The following KCNB2 variants were observed in gnomAD, a reference collection of about 807,000 sequenced individuals.
KCNB2 encodes delayed rectifier potassium channel protein.
A neutral mutation model predicts 61.5 loss-of-function variants in KCNB2; 15 were observed. The ratio of observed to expected loss-of-function variants is 0.24; its 90% CI spans 0.16 to 0.38. The LOEUF is 0.38. Ranked by LOEUF, KCNB2 falls within the 10% of genes least tolerant of loss-of-function variation. KCNB2 has a pLI of 1.00. For missense variants in KCNB2, 828 were observed against 1,125.2 expected (o/e 0.74, Z 3.78); for synonymous variants, 457 against 446.0 (o/e 1.02, Z -0.31).
At chr8:72,710,995 G>A (rs1241344501) in intron 2 of KCNB2, among the ~76,000 whole-genome samples, 5 of 152,140 alleles carry the variant, frequency 3.3e-5, no homozygotes, top group East Asian at 1.9e-4. Flanking sequence ...CCAAAATCCC[G>A]GCAGTCTGTG....
chr8:72,921,011 T>C (rs923621717), intron 2 of KCNB2, among the ~76,000 whole-genome samples: 1 of 152,176 alleles, frequency 6.6e-6, no homozygotes, highest in Non-Finnish European at 1.5e-5. Context: ...GCGAGAGTTC[T>C]GTCCCTTTTT....
At chr8:72,676,593 G>T (rs745806304) in intron 2 of KCNB2, among the ~76,000 whole-genome samples, 1 of 150,744 alleles carries the variant, frequency 6.6e-6, no homozygotes, top group Non-Finnish European at 1.5e-5. Context: ...CTGCTGATTT[G>T]GGGGGATATA....
chr8:72,597,168 C>T (rs537193146), intron 2 of KCNB2, among the ~76,000 whole-genome samples: 12 of 151,796 alleles, frequency 7.9e-5, no homozygotes, highest in African/African-American at 2.7e-4. Flanking sequence ...GGACTACAGG[C>T]GCACGCCACC....
chr8:72,776,477 C>T (rs1330341581), intron 2 of KCNB2, among the ~76,000 whole-genome samples: 1 of 152,148 alleles, frequency 6.6e-6, no homozygotes, highest in East Asian at 1.9e-4. Context: ...TTCTAATTTA[C>T]ATATGTTTGG....
intron 2 of KCNB2, among the ~76,000 whole-genome samples, chr8:72,588,530 C>A (rs146052920): frequency 1.5e-4 from 23 of 152,056 alleles, no homozygotes; most frequent in South Asian, 4.1e-4. Context: ...TAAGCCACCA[C>A]GCCTGCCAGC....
intron 2 of KCNB2, among the ~76,000 whole-genome samples, chr8:72,595,463 C>G (rs534342265): frequency 6.6e-6 from 1 of 151,782 alleles, no homozygotes; most frequent in African/African-American, 2.4e-5. Flanking sequence ...GGAGCTGGGA[C>G]TACAGGCATG....
At chr8:72,639,828 A>C (rs13255146) in intron 2 of KCNB2, among the ~76,000 whole-genome samples, 11,573 of 152,168 alleles carry the variant, frequency 0.076, 600 homozygotes, top group Non-Finnish European at 0.12. Context: ...TCTAATGGAT[A>C]GCCAGGGTTG....
chr8:72,841,181 T>C lies in KCNB2; in HGVS notation c.580-94754T>C, dbSNP rs1355556582. On this transcript the variant is annotated intron_variant, in intron 2 of 2. Coordinates refer to ENST00000523207, the MANE Select transcript of KCNB2 (RefSeq NM_004770.3). ...GGGGAATCTTTTCCCCATTGCTTGTTTTTGTCAGGTTTGTCAAAGATCAGA... is the reference window on the plus strand; with the variant it reads ...GGGGAATCTTTTCCCCATTGCTTGTCTTTGTCAGGTTTGTCAAAGATCAGA... Among the ~76,000 whole-genome samples, 3 of 152,110 alleles carry C rather than the reference T, an allele frequency of 2.0e-5. No homozygotes were observed. The South Asian group carries it at 6.2e-4, about 31-fold the overall frequency.
rs191063380 is a variant in KCNB2 at position 72,760,583 on chromosome 8, G to A, written c.580-175352G>A. Among the ~76,000 whole-genome samples, 13 of 152,218 alleles carry A rather than the reference G, an allele frequency of 8.5e-5. No individual in the cohort carries two copies. In the East Asian group the frequency reaches 2.3e-3, roughly 27 times the overall value. Reference sequence around the variant, plus strand: ...AGAAACACATGAGATGGGATCCTATGTTTCACTAAGCCCTCCAGCTTATTT... The same window carrying A: ...AGAAACACATGAGATGGGATCCTATATTTCACTAAGCCCTCCAGCTTATTT... On this transcript the variant is annotated intron_variant, in intron 2 of 2. Transcript: ENST00000523207.
rs1441653302 is a variant in KCNB2, at chr8:72,683,255, CT to C, written c.579+114950del. On this transcript the variant is annotated intron_variant, in intron 2 of 2. Transcript: ENST00000523207. Reference sequence around the variant, plus strand: ...TAAGCCTTTTCCATTGCTTCTGACACTTTTTTTTCTATTCCCCTTCAAAGGT... The same window carrying C: ...TAAGCCTTTTCCATTGCTTCTGACACTTTTTTTCTATTCCCCTTCAAAGGT... Among the ~76,000 whole-genome samples, 7 of 152,116 alleles carry C rather than the reference CT, an allele frequency of 4.6e-5. No individual in the cohort carries two copies. In the East Asian group the frequency reaches 1.2e-3, roughly 25 times the overall value.
intron 1 of KCNB2, among the ~76,000 whole-genome samples, chr8:72,542,996 C>T (rs187383034): frequency 1.1e-3 from 169 of 152,206 alleles, no homozygotes; most frequent in Middle Eastern, 3.4e-3. Context: ...GGCAATTCAA[C>T]GGAGTAGTTG....
At chr8:72,702,076 C>T (rs989770950) in intron 2 of KCNB2, among the ~76,000 whole-genome samples, 1 of 152,128 alleles carries the variant, frequency 6.6e-6, no homozygotes, top group African/African-American at 2.4e-5. Context: ...TAGCAGAACA[C>T]AGAACATCAG....
chr8:72,852,529 A>G (rs1810134301), intron 2 of KCNB2, among the ~76,000 whole-genome samples: 1 of 152,230 alleles, frequency 6.6e-6, no homozygotes, highest in African/African-American at 2.4e-5. Flanking sequence ...TCTTGGTTTT[A>G]TAGCAGAATA....
At chr8:72,789,459 C>G (rs1295786238) in intron 2 of KCNB2, among the ~76,000 whole-genome samples, 1 of 152,102 alleles carries the variant, frequency 6.6e-6, no homozygotes, top group Non-Finnish European at 1.5e-5. Flanking sequence ...GAAGATCTAA[C>G]AGAAGACATT....
intron 2 of KCNB2, among the ~76,000 whole-genome samples, chr8:72,674,986 C>T (rs1806627864): frequency 6.6e-6 from 1 of 151,990 alleles, no homozygotes; most frequent in Non-Finnish European, 1.5e-5. Flanking sequence ...TATAACAACC[C>T]AAAAGTAAAT....
intron 2 of KCNB2, among the ~76,000 whole-genome samples, chr8:72,867,632 A>G (rs1281600111): frequency 6.6e-6 from 1 of 152,222 alleles, no homozygotes; most frequent in East Asian, 1.9e-4. Context: ...ATTTGTCATG[A>G]ATATAACTAG....
chr8:72,561,729 C>G (rs349348), intron 1 of KCNB2, among the ~76,000 whole-genome samples: 2,365 of 20,170 alleles, frequency 0.12, 243 homozygotes, highest in African/African-American at 0.25. Context: ...ATATATATAT[C>G]TATATCTATA....
intron 2 of KCNB2, among the ~76,000 whole-genome samples, chr8:72,826,776 A>C (rs935793701): frequency 2.6e-5 from 4 of 152,254 alleles, no homozygotes; most frequent in Admixed American, 1.3e-4. Context: ...TTCACTAGTC[A>C]GTAATTTTGA....
intron 2 of KCNB2, among the ~76,000 whole-genome samples, chr8:72,682,068 A>G (rs192129281): frequency 1.1e-4 from 16 of 152,340 alleles, no homozygotes; most frequent in Admixed American, 9.8e-4. Flanking sequence ...CATGTTTTCT[A>G]GACATGTATG....
Sources: allele counts gnomAD v4.1 joint callset (sites outside exome capture counted in the v4.1 genomes callset), GRCh38; gene constraint gnomAD v4.1.1; transcripts MANE v1.5; gene names NCBI Gene and HGNC (gene_info 2026-07-23, HGNC 2026-07-21).